RGS17: variants seen among roughly 807,000 people sequenced by gnomAD.
RGS17 encodes regulator of G-protein signaling 17.
Under a neutral mutation model 25.5 loss-of-function variants are expected in RGS17, and 12 were observed. That is an observed-to-expected ratio of 0.47 (90% CI 0.30 to 0.76). The LOEUF (loss-of-function observed/expected upper bound fraction) is 0.76, where lower values mean the gene tolerates loss of function less well. RGS17 is among the 30% of genes least tolerant of loss of function. The pLI is 0.07. For synonymous variants in RGS17, 71 were observed against 76.9 expected (o/e 0.92, Z 0.40); for missense variants, 196 against 242.2 (o/e 0.81, Z 1.27).
chr6:153,037,394 T>G (rs762684913), intron 2 of RGS17, among the ~76,000 whole-genome samples: 1 of 151,992 alleles, frequency 6.6e-6, no homozygotes, highest in African/African-American at 2.4e-5. Context: ...CTACTAATAC[T>G]GGCCAAATAA....
intron 1 of RGS17, among the ~76,000 whole-genome samples, chr6:153,078,585 T>C (rs1029178597): frequency 2.9e-5 from 4 of 139,762 alleles, no homozygotes; most frequent in African/African-American, 1.1e-4. Context: ...TAAAAGTTGG[T>C]GTCATAATTT....
At chr6:153,087,311 C>T (rs1219827751) in intron 1 of RGS17, among the ~76,000 whole-genome samples, 6 of 152,134 alleles carry the variant, frequency 3.9e-5, no homozygotes, top group Admixed American at 6.6e-5. Context: ...AAAATGTGTA[C>T]TGGAGATGAT....
chr6:153,032,459 C>T (rs1232197880), intron 2 of RGS17, among the ~76,000 whole-genome samples: 5 of 151,794 alleles, frequency 3.3e-5, no homozygotes, highest in African/African-American at 9.7e-5. Flanking sequence ...AAATAATCAG[C>T]TATCAAATAT....
chr6:153,119,506 C>T (rs1414138960), intron 1 of RGS17, among the ~76,000 whole-genome samples: 1 of 152,068 alleles, frequency 6.6e-6, no homozygotes, highest in Admixed American at 6.6e-5. Flanking sequence ...CCTGACCAAC[C>T]TGGTGAAACC....
At chr6:153,091,702 G>A (rs1199875456) in intron 1 of RGS17, among the ~76,000 whole-genome samples, 2 of 152,034 alleles carry the variant, frequency 1.3e-5, no homozygotes, top group East Asian at 1.9e-4. Flanking sequence ...TAGTAGAGAC[G>A]GGGTTTCTCC....
chr6:153,013,948 A>C (rs1172360290), intron 4 of RGS17, among the ~76,000 whole-genome samples: 2 of 152,222 alleles, frequency 1.3e-5, no homozygotes, highest in African/African-American at 4.8e-5. Flanking sequence ...TAGAAACTGC[A>C]GTAATTTATT....
At chr6:153,028,078 G>C (rs892603999) in intron 2 of RGS17, among the ~76,000 whole-genome samples, 3 of 152,188 alleles carry the variant, frequency 2.0e-5, no homozygotes, top group Non-Finnish European at 4.4e-5. Flanking sequence ...AAACTGACCT[G>C]AGAGAGCAGA....
chr6:153,128,499 G>A (rs1267724741), intron 1 of RGS17, among the ~76,000 whole-genome samples: 1 of 152,100 alleles, frequency 6.6e-6, no homozygotes, highest in Non-Finnish European at 1.5e-5. Flanking sequence ...CTGACACAAA[G>A]GCCATTATCT....
At chr6:153,024,227 T>G (rs957107508) in intron 4 of RGS17, 35 bp downstream of exon 4, 7 of 1,449,748 alleles carry the variant, frequency 4.8e-6, no homozygotes, top group Non-Finnish European at 6.7e-6. Context: ...TCCTTGGTCT[T>G]AGGAAGCCCA....
At chr6:153,081,986 C>A (rs527593134) in intron 1 of RGS17, among the ~76,000 whole-genome samples, 2 of 152,148 alleles carry the variant, frequency 1.3e-5, no homozygotes, top group Admixed American at 6.6e-5. Flanking sequence ...AGGCTTCAAT[C>A]TTGAACGATA....
chr6:153,070,848 C>G (rs949469487), intron 1 of RGS17, among the ~76,000 whole-genome samples: 1 of 149,816 alleles, frequency 6.7e-6, no homozygotes, highest in Non-Finnish European at 1.5e-5. Context: ...TATACATATA[C>G]ACAATACATA....
rs1562321399 is a variant in RGS17, at chr6:153,054,001, CATAT to C, written c.-25-9962_-25-9959del. Reference sequence around the variant, plus strand: ...TGTATATATGTATATAATATATATACATATATACGTATATATGTATATAATATAT... The same window carrying C: ...TGTATATATGTATATAATATATATACATACGTATATATGTATATAATATAT... On this transcript the variant is annotated intron_variant, in intron 1 of 4. Transcript: ENST00000206262. 9.9e-4 allele frequency among the ~76,000 whole-genome samples: 30 copies of C among 30,228 alleles called. 6 individuals carry two copies. Among genetic ancestry groups the C allele is most frequent in the African/African-American group, 4.8e-3 (30 of 6,248 alleles). 19.8% of individuals were successfully genotyped at this position (30,228 alleles called of 152,430 possible). A position where few individuals can be genotyped will look rare whatever the true frequency, so the allele number is the denominator to read the frequency against.
intron 2 of RGS17, among the ~76,000 whole-genome samples, chr6:153,035,210 T>C (rs1024992745): frequency 9.2e-5 from 14 of 152,042 alleles, no homozygotes; most frequent in African/African-American, 3.4e-4. Context: ...AAATTTGTGT[T>C]TCACTTAGGA....
At chr6:153,039,088 A>G (rs992446903) in intron 2 of RGS17, among the ~76,000 whole-genome samples, 1 of 152,134 alleles carries the variant, frequency 6.6e-6, no homozygotes, top group East Asian at 1.9e-4. Context: ...AGAGCATGAG[A>G]TTGTGAATTC....
intron 1 of RGS17, among the ~76,000 whole-genome samples, chr6:153,059,825 T>C (rs1451391421): frequency 6.6e-6 from 1 of 152,218 alleles, no homozygotes; most frequent in Admixed American, 6.5e-5. Flanking sequence ...GGGTGATAGA[T>C]GTATTTGGTA....
rs553619996 is a variant in RGS17, at chr6:153,009,346, G to C, written c.*2228C>G. The C allele has an allele frequency of 6.6e-6, 1 of 151,964 alleles. No individual in the cohort carries two copies. The highest frequency in any genetic ancestry group is 1.9e-4 in the East Asian group (1 of 5,188). 9.4% of individuals were successfully genotyped at this position (151,964 alleles called of 1,614,324 possible). On this transcript the variant is annotated 3_prime_UTR_variant, in exon 5 of 5. Transcript: ENST00000206262. ...ACCAATTTGTTGAGCCTCACACACA[G>C]AAACAAATATGATACTACACCATAC...
rs181567488 is a variant in RGS17, at chr6:153,081,424, T to C, written c.-25-37381A>G. 4.7e-3 allele frequency among the ~76,000 whole-genome samples: 719 copies of C among 152,282 alleles called. 10 individuals are homozygous for C. Among genetic ancestry groups the C allele is most frequent in the Admixed American group, 0.017 (266 of 15,286 alleles). ...ATGGTTACTGACTTGGCAGTATATC[T>C]TTGTTTATCCTTTTAATCTTTGCCT... On this transcript the variant is annotated intron_variant, in intron 1 of 4. Transcript: ENST00000206262.
At chr6:153,026,145 T>C (rs1366890698) in intron 3 of RGS17, among the ~76,000 whole-genome samples, 5 of 152,154 alleles carry the variant, frequency 3.3e-5, no homozygotes, top group East Asian at 1.9e-4. Context: ...GAGAAAAACT[T>C]GAATTCTCAG....
intron 1 of RGS17, among the ~76,000 whole-genome samples, chr6:153,125,022 A>T (rs898314899): frequency 1.3e-5 from 2 of 152,188 alleles, no homozygotes; most frequent in Admixed American, 6.5e-5. Context: ...ACTTCACTGG[A>T]TTTAACTCAC....
Sources: gnomAD v4.1 joint callset for allele counts (sites outside exome capture counted in the v4.1 genomes callset) on GRCh38, gnomAD v4.1.1 for gene constraint, MANE v1.5 for transcripts, NCBI Gene and HGNC (gene_info 2026-07-23, HGNC 2026-07-21) for gene names.